The following TMEM67 variants were observed in gnomAD, a reference collection of about 807,000 sequenced individuals.
The protein encoded by TMEM67 is transmembrane protein 67, also known as meckelin.
Under a neutral mutation model 136.6 loss-of-function variants are expected in TMEM67, and 124 were observed. The ratio of observed to expected loss-of-function variants is 0.91; its 90% CI spans 0.78 to 1.05. The LOEUF is 1.05. Among genes scored for constraint, TMEM67 ranks in the 50% least tolerant of loss-of-function variants. TMEM67 has a pLI of 0.00. For missense variants in TMEM67, 1,107 were observed against 1,178.4 expected (o/e 0.94, Z 0.89); for synonymous variants, 364 against 390.5 (o/e 0.93, Z 0.80).
intron 11 of TMEM67, 144 bp downstream of exon 11, chr8:93,782,604 GCT>G (rs1263168150): frequency 1.8e-6 from 1 of 548,752 alleles, no homozygotes; most frequent in African/African-American, 3.1e-5. Flanking sequence ...ATGGAGTTTT[GCT>G]CTTGTTGCCC....
chr8:93,829,376 C>G, the TMEM67 span, among the ~76,000 whole-genome samples: 1 of 150,034 alleles, frequency 6.7e-6, no homozygotes, highest in African/African-American at 2.5e-5. Flanking sequence ...CTCTCTCTCT[C>G]TCTCTCTGTG....
At chr8:93,818,969 T>G, downstream of TMEM67, 1 of 404,988 alleles carries the variant, frequency 2.5e-6, no homozygotes, top group South Asian at 1.8e-5. Flanking sequence ...GCCCAGCTAA[T>G]TTTTTGTATT....
intron 12 of TMEM67, chr8:93,785,910 CA>C (rs1293815872): frequency 6.5e-4 from 216 of 331,782 alleles, no homozygotes; most frequent in Non-Finnish European, 7.8e-4. Flanking sequence ...CTGGTTGCTA[CA>C]AAAAAAAATT....
chr8:93,811,707 A>G (rs1413844053), intron 26 of TMEM67, among the ~76,000 whole-genome samples: 1 of 152,098 alleles, frequency 6.6e-6, no homozygotes, highest in South Asian at 2.1e-4. Context: ...TATTATATCT[A>G]TTACGGGTTG....
intron 26 of TMEM67, among the ~76,000 whole-genome samples, chr8:93,814,264 TGA>T: frequency 6.7e-6 from 1 of 150,086 alleles, no homozygotes; most frequent in African/African-American, 2.5e-5. Context: ...CTCAGCCTCC[TGA>T]GTAGCTGGGA....
In TMEM67 at chr8:93,786,347, G is replaced by T; in HGVS notation, c.1412+1G>T. 1.9e-6 allele frequency: 3 copies of T among 1,613,524 alleles called. No individual in the cohort carries two copies. Among genetic ancestry groups the T allele is most frequent in the Non-Finnish European group, 2.5e-6 (3 of 1,179,672 alleles). ...GAGTTGCTACTCAAATATCACTGAG[G>T]TAAACAAATGTCTAATGATATTATT... is the stretch of plus-strand genomic sequence containing the variant. On this transcript the variant is annotated splice_donor_variant, in intron 13 of 27. Transcript: ENST00000453321. LOFTEE classifies it high-confidence loss of function.
chr8:93,811,252 G>A (rs1321625926), intron 26 of TMEM67: 2 of 152,256 alleles, frequency 1.3e-5, no homozygotes, highest in Non-Finnish European at 2.9e-5. Context: ...GAGGCAACCT[G>A]GAGAAGTTTG....
intron 26 of TMEM67, among the ~76,000 whole-genome samples, chr8:93,811,592 G>A (rs1250504653): frequency 2.0e-5 from 3 of 152,050 alleles, no homozygotes; most frequent in Admixed American, 6.6e-5. Flanking sequence ...TCACGGAGGT[G>A]TGAAAAGAAA....
chr8:93,797,473 A>T lies in TMEM67; in HGVS notation c.2100+3A>T. 2 of 1,612,962 alleles carry T rather than the reference A, an allele frequency of 1.2e-6. No individual in the cohort carries two copies. Among genetic ancestry groups the T allele is most frequent in the Non-Finnish European group, 1.7e-6 (2 of 1,179,338 alleles). ...TTACTGTCCTCTTCTTTTTGGAGGT[A>T]TAAACTGTTTGATGTGATTATATGC... On this transcript the variant is annotated splice_donor_region_variant and intron_variant, in intron 20 of 27. Transcript: ENST00000453321.
the TMEM67 span, among the ~76,000 whole-genome samples, chr8:93,831,474 C>T: frequency 6.6e-6 from 1 of 152,148 alleles, no homozygotes; most frequent in Non-Finnish European, 1.5e-5. Flanking sequence ...ACTAATATAA[C>T]AGGACTATTT....
chr8:93,792,810 G>A (rs1220648071), intron 15 of TMEM67, among the ~76,000 whole-genome samples: 5 of 131,884 alleles, frequency 3.8e-5, no homozygotes, highest in South Asian at 4.8e-4. Context: ...TCACTCTGTC[G>A]CCCAGGCTGG....
At position 93,785,375 on chromosome 8, in the gene TMEM67, C is replaced by G; in HGVS notation, c.1285C>G (p.Gln429Glu). The G allele has an allele frequency of 6.2e-7, 1 of 1,612,156 alleles. No homozygotes were observed. Among genetic ancestry groups the G allele is most frequent in the Non-Finnish European group, 8.5e-7 (1 of 1,178,944 alleles). The change falls in exon 12 of 28, where the codon CAA (glutamine) becomes GAA (glutamate). Residue 429 changes from glutamine to glutamate, a missense_variant. Around this residue, in one of 3 missense-constraint regions of TMEM67, gnomAD observed 925 missense variants for 1,002.4 expected, o/e 0.92. Coordinates refer to ENST00000453321, the MANE Select transcript of TMEM67 (RefSeq NM_153704.6). ...TCAACATAATAAGATATTTGTGAAC[C>G]AAGGTAAGACATCCATACATACCAC... is the stretch of plus-strand genomic sequence containing the variant. ...NLQHNKIFVN[Q>E]DSNSGKWLLT... is the part of the protein sequence containing the mutation.
intron 16 of TMEM67, among the ~76,000 whole-genome samples, chr8:93,794,343 G>C (rs985232424): frequency 6.6e-6 from 1 of 151,992 alleles, no homozygotes; most frequent in Non-Finnish European, 1.5e-5. Flanking sequence ...TCACTTCATG[G>C]TTAACCTTTT....
In TMEM67 at chr8:93,792,973, G is replaced by A. The variant is rs572784281; in HGVS notation, c.1576-225G>A. Among the ~76,000 whole-genome samples the A allele has an allele frequency of 5.1e-3, 779 of 151,704 alleles. 8 individuals are homozygous for A. Among genetic ancestry groups the A allele is most frequent in the South Asian group, 0.044 (213 of 4,792 alleles). The stretch of plus-strand genomic sequence containing the variant: ...ATTTTTAGTAGAGACGGGTTTCACC[G>A]TGTTAGCCAGGATGGTCTTGATCTC... On this transcript the variant is annotated intron_variant, in intron 15 of 27. Coordinates refer to ENST00000453321, the MANE Select transcript of TMEM67 (RefSeq NM_153704.6).
the TMEM67 span, among the ~76,000 whole-genome samples, chr8:93,826,287 G>A: frequency 1.6e-4 from 25 of 151,808 alleles, no homozygotes; most frequent in Non-Finnish European, 2.9e-4. Context: ...CCACCACCGC[G>A]CGTGGCTAGT....
downstream of TMEM67, among the ~76,000 whole-genome samples, chr8:93,820,071 G>A (rs1044815885): frequency 1.3e-5 from 2 of 152,070 alleles, no homozygotes; most frequent in Non-Finnish European, 2.9e-5. Flanking sequence ...TTATTCCAAC[G>A]AGCCGATCCC....
the TMEM67 span, among the ~76,000 whole-genome samples, chr8:93,832,062 C>T: frequency 5.3e-5 from 8 of 152,254 alleles, no homozygotes; most frequent in African/African-American, 1.9e-4. Flanking sequence ...TAGGCCCTGG[C>T]CTGCTGCTGT....
rs587779736 is a variant in TMEM67 at position 93,780,626 on chromosome 8, G to A, written c.748G>A (p.Gly250Arg). 5 of 1,613,948 alleles carry A rather than the reference G, an allele frequency of 3.1e-6. No homozygotes were observed. In the Admixed American group the frequency reaches 6.7e-5, roughly 22 times the overall value. The part of the protein sequence containing the change: ...YANLTSCQAL[G>R]NMCVMNMNSY... Reference sequence around the variant, plus strand: ...CAATCTAACATCTTGTCAAGCTCTTGGAAATATGTGTGTGATGAACATGAA... The same window carrying A: ...CAATCTAACATCTTGTCAAGCTCTTAGAAATATGTGTGTGATGAACATGAA... Residue 250 changes from glycine (G) to arginine (R), a missense_variant, in exon 8 of 28, where the codon GGA becomes AGA. By Grantham distance (125) the Gly-to-Arg change is moderately radical. This residue lies in a region of TMEM67 where 925 missense variants were observed against 1,002.4 expected (regional missense o/e 0.92). Transcript: ENST00000453321.
chr8:93,797,848 G>A lies in TMEM67; in HGVS notation c.2100+378G>A, dbSNP rs1041126926. 4.6e-5 allele frequency among the ~76,000 whole-genome samples: 7 copies of A among 152,112 alleles called. 1 individual carries two copies. The South Asian group carries it at 8.3e-4, about 18-fold the overall frequency. ...AAATACAAAATTAGCTGGGCATGGC[G>A]GCACATGCCTATAATCCCAGCTGCT... On this transcript the variant is annotated intron_variant, in intron 20 of 27. Transcript: ENST00000453321.
Sources: allele counts gnomAD v4.1 joint callset (sites outside exome capture counted in the v4.1 genomes callset), GRCh38; gene constraint gnomAD v4.1.1; regional missense constraint gnomAD v4.1.1; transcripts MANE v1.5; gene names NCBI Gene and HGNC (gene_info 2026-07-23, HGNC 2026-07-21).